Variants in ROCK2 observed in about 807,000 individuals in gnomAD.
The protein encoded by ROCK2 is rho-associated protein kinase 2.
A neutral mutation model predicts 195.1 loss-of-function variants in ROCK2; 61 were observed. The observed-to-expected ratio is 0.31, with a 90% CI of 0.25 to 0.39. The LOEUF (loss-of-function observed/expected upper bound fraction) is 0.39. Among genes scored for constraint, ROCK2 ranks in the 10% least tolerant of loss-of-function variants. ROCK2 has a pLI of 1.00. For missense variants in ROCK2, 1,109 were observed against 1,637.4 expected, an observed-to-expected ratio of 0.68 and a Z score of 5.57; for synonymous variants, 504 against 545.5, an observed-to-expected ratio of 0.92 and a Z score of 1.06.
intron 1 of ROCK2, among the ~76,000 whole-genome samples, chr2:11,338,047 A>G (rs1366423181): frequency 6.6e-6 from 1 of 152,202 alleles, no homozygotes; most frequent in Admixed American, 6.5e-5. Context: ...TAACAACTGT[A>G]TTAAGAGCCA....
At position 11,235,579 on chromosome 2, in the gene ROCK2, G is replaced by A. The variant is rs903219194; in HGVS notation, c.723+123C>T. The stretch of plus-strand genomic sequence containing the variant: ...GTTTTAAGTTGGTTATATCTTGTTT[G>A]GGTGCTATACAGTTATGAAAACTAA... On this transcript the variant is annotated intron_variant, in intron 5 of 32. Transcript: ENST00000315872. This position sits in a 1 kb window ranked among gnomAD's most constrained non-coding sequence, Gnocchi z 4.2. 1.7e-5 allele frequency: 16 copies of A among 929,832 alleles called. No homozygotes were observed. The highest frequency in any genetic ancestry group is 2.4e-5 in the Non-Finnish European group (15 of 621,506). The allele number at this position is 929,832 out of a possible 1,614,324, so 57.6% of individuals were successfully genotyped here.
Position 11,215,311 on chromosome 2 carries a change from A to G in ROCK2, c.1689+10T>C, listed in dbSNP as rs1415595807. Reference sequence around the variant, plus strand: ...ACCCAGTATCTTTACTACAAATTAGATCCACCTACTTGTCTCTGGAGTTGA... The same window carrying G: ...ACCCAGTATCTTTACTACAAATTAGGTCCACCTACTTGTCTCTGGAGTTGA... On this transcript the variant is annotated intron_variant, in intron 15 of 32. Transcript: ENST00000315872. 4 of 1,571,266 alleles carry G rather than the reference A, an allele frequency of 2.5e-6. No individual in the cohort carries two copies. The highest frequency in any genetic ancestry group is 3.5e-6 in the Non-Finnish European group (4 of 1,157,582).
At chr2:11,238,488 G>A (rs944365943) in intron 4 of ROCK2, among the ~76,000 whole-genome samples, 2 of 151,972 alleles carry the variant, frequency 1.3e-5, no homozygotes, top group African/African-American at 4.8e-5. Context: ...AAACAATCTG[G>A]AACTAGAACA....
chr2:11,262,790 G>A (rs1341127725), intron 3 of ROCK2, among the ~76,000 whole-genome samples: 1 of 152,080 alleles, frequency 6.6e-6, no homozygotes, highest in African/African-American at 2.4e-5. Flanking sequence ...AATACACTTG[G>A]AAAATCCTAA....
chr2:11,304,933 T>C (rs564557351), intron 1 of ROCK2, among the ~76,000 whole-genome samples: 1 of 152,190 alleles, frequency 6.6e-6, no homozygotes, highest in Non-Finnish European at 1.5e-5. Context: ...TTCAGCCAAT[T>C]AGTTACTATG....
At chr2:11,310,275 G>T (rs143003620) in intron 1 of ROCK2, among the ~76,000 whole-genome samples, 1 of 151,920 alleles carries the variant, frequency 6.6e-6, no homozygotes, top group Admixed American at 6.6e-5. Context: ...ACAACCTCAC[G>T]GAATACTAAA....
At position 11,211,662 on chromosome 2, in the gene ROCK2, C is replaced by A; in HGVS notation, c.2203+19G>T. On this transcript the variant is annotated intron_variant, in intron 18 of 32. Transcript: ENST00000315872. Reference sequence around the variant, plus strand: ...CTTAGGAAGACGCTGCTGGAAAACCCTCTTTAAAAAATGCATACCTTTCAT... The same window carrying A: ...CTTAGGAAGACGCTGCTGGAAAACCATCTTTAAAAAATGCATACCTTTCAT... The A allele has an allele frequency of 6.4e-7, 1 of 1,562,090 alleles. No homozygotes were observed. The highest frequency in any genetic ancestry group is 1.2e-5 in the South Asian group (1 of 82,254).
chr2:11,238,522 A>C (rs1665307154), intron 4 of ROCK2, among the ~76,000 whole-genome samples: 1 of 152,172 alleles, frequency 6.6e-6, no homozygotes, highest in Admixed American at 6.5e-5. Flanking sequence ...TACATTTCCC[A>C]ATTTCAAAAC....
chr2:11,216,206 T>A lies in ROCK2; in HGVS notation c.1413A>T (p.Lys471Asn). Reference sequence around the variant, plus strand: ...TTTTTTCTAGGCGAGTATTAACAGATCTAAAGAATTTCAGAAAGAAACAGT... The same window carrying A: ...TTTTTTCTAGGCGAGTATTAACAGAACTAAAGAATTTCAGAAAGAAACAGT... ...QAKEELEQKC[K>N]SVNTRLEKTA... Residue 471 changes from lysine (K) to asparagine (N), a missense_variant and splice_region_variant, in exon 13 of 33, where the codon AAA (lysine) becomes AAT (asparagine). By Grantham distance (94) the Lys-to-Asn change is moderately conservative. Transcript: ENST00000315872. 3 of 1,605,934 alleles carry A rather than the reference T, an allele frequency of 1.9e-6. No individual in the cohort carries two copies. Among genetic ancestry groups the A allele is most frequent in the Non-Finnish European group, 2.6e-6 (3 of 1,173,242 alleles).
chr2:11,211,498 C>T (rs1405105540), intron 18 of ROCK2, among the ~76,000 whole-genome samples, 183 bp downstream of exon 18: 1 of 152,060 alleles, frequency 6.6e-6, no homozygotes, highest in Non-Finnish European at 1.5e-5. Context: ...GAAATGATTA[C>T]TGTAATGATA....
chr2:11,326,227 T>C (rs1293690134), intron 1 of ROCK2, among the ~76,000 whole-genome samples: 2 of 70,222 alleles, frequency 2.8e-5, no homozygotes, highest in Admixed American at 2.0e-4. Flanking sequence ...GGCAAATGCA[T>C]TTAAAAAAAA....
intron 32 of ROCK2, among the ~76,000 whole-genome samples, chr2:11,184,391 C>T (rs890107153): frequency 6.6e-6 from 1 of 152,096 alleles, no homozygotes; most frequent in Non-Finnish European, 1.5e-5. Context: ...ATGAACAGAA[C>T]GTATCAGAAT....
intron 1 of ROCK2, among the ~76,000 whole-genome samples, chr2:11,317,589 T>TATAC (rs1335922027): frequency 7.5e-5 from 1 of 13,302 alleles, no homozygotes; most frequent in Non-Finnish European, 1.5e-4. Context: ...TATATATATA[T>TATAC]ATATATATAT....
At chr2:11,327,098 C>T (rs980741789) in intron 1 of ROCK2, among the ~76,000 whole-genome samples, 2 of 152,172 alleles carry the variant, frequency 1.3e-5, no homozygotes, top group Non-Finnish European at 2.9e-5. Context: ...CACTGCTCAA[C>T]AAATGCTTTT....
chr2:11,290,838 A>T (rs1345828282), intron 1 of ROCK2, among the ~76,000 whole-genome samples: 2 of 152,126 alleles, frequency 1.3e-5, no homozygotes, highest in Non-Finnish European at 2.9e-5. Context: ...AGGGAAAAAC[A>T]ACAACAACAT....
chr2:11,215,144 A>G (rs1486750172), intron 15 of ROCK2, 58 bp from the exon 16 acceptor site: 4 of 1,587,096 alleles, frequency 2.5e-6, no homozygotes, highest in Non-Finnish European at 8.6e-7. Flanking sequence ...TGTAATGAAA[A>G]TAAGTCAATG....
At chr2:11,210,876 C>T (rs944180535) in intron 18 of ROCK2, among the ~76,000 whole-genome samples, 1 of 152,138 alleles carries the variant, frequency 6.6e-6, no homozygotes, top group African/African-American at 2.4e-5. Flanking sequence ...CCTTAAACTA[C>T]ACTGATTTTT....
chr2:11,215,662 A>G lies in ROCK2; in HGVS notation c.1462-17T>C, dbSNP rs1391920955. 1 of 1,570,472 alleles carries G rather than the reference A, an allele frequency of 6.4e-7. No individual in the cohort carries two copies. Among genetic ancestry groups the G allele is most frequent in the African/African-American group, 1.4e-5 (1 of 72,670 alleles). ...TAAGGTAATCTGAAATAATGCTTAA[A>G]GTTATTATCAAAAAAGTATGTATAA... is the stretch of plus-strand genomic sequence containing the variant. On this transcript the variant is annotated splice_polypyrimidine_tract_variant and intron_variant, in intron 13 of 32. Transcript: ENST00000315872.
chr2:11,253,207 G>C (rs1422298529), intron 3 of ROCK2, among the ~76,000 whole-genome samples: 1 of 152,030 alleles, frequency 6.6e-6, no homozygotes, highest in African/African-American at 2.4e-5. Context: ...CCTTACCATT[G>C]TCTACAGGGT....
Sources: allele counts gnomAD v4.1 joint callset (sites outside exome capture counted in the v4.1 genomes callset), GRCh38; gene constraint gnomAD v4.1.1; non-coding constraint Gnocchi (gnomAD v3.1); transcripts MANE v1.5; gene names NCBI Gene and HGNC (gene_info 2026-07-23, HGNC 2026-07-21).